Variants in C4orf54 observed in about 807,000 individuals in gnomAD.
The protein encoded by C4orf54 is uncharacterized protein C4orf54.
Under a neutral mutation model 80.1 loss-of-function variants are expected in C4orf54, and 67 were observed. The observed-to-expected ratio is 0.84, with a 90% confidence interval of 0.69 to 1.03. C4orf54 has a LOEUF of 1.03. Among genes scored for constraint, C4orf54 ranks in the 50% least tolerant of loss-of-function variants. The pLI is 0.00. For synonymous variants in C4orf54, 1,000 were observed against 917.0 expected, an observed-to-expected ratio of 1.09 and a Z score of -1.64; for missense variants, 2,434 against 2,253.5, an observed-to-expected ratio of 1.08 and a Z score of -1.62.
Position 99,652,691 on chromosome 4 carries a change from A to G in C4orf54, c.1958T>C (p.Leu653Pro), listed in dbSNP as rs1203697983. The change falls in exon 2 of 3, where the codon CTC (leucine) becomes CCC (proline). Residue 653 changes from leucine to proline, a missense_variant. Physicochemically the swap from Leu to Pro is moderately conservative, Grantham distance 98 (BLOSUM62 -3). Transcript: ENST00000511828. ...NISSRESSTT[L>P]SEVGFGRWST... ...CCAGCGCCCAAAGCCCACTTCGGAG[A>G]GCGTGGTGGAGGACTCCCGGGAGCT... is the stretch of plus-strand genomic sequence containing the variant. 6.5e-7 allele frequency: 1 copy of G among 1,535,872 alleles called. No individual in the cohort carries two copies. Among genetic ancestry groups the G allele is most frequent in the Non-Finnish European group, 8.7e-7 (1 of 1,146,878 alleles).
chr4:99,649,948 G>A lies in C4orf54; in HGVS notation c.4701C>T (p.Phe1567=), dbSNP rs1450423514. 6.5e-7 allele frequency: 1 copy of A among 1,533,314 alleles called. No homozygotes were observed. The highest frequency in any genetic ancestry group is 2.4e-5 in the East Asian group (1 of 40,832). The allele number at this position is 1,533,314 out of a possible 1,614,324, so 95.0% of individuals were successfully genotyped here. ...TTIYHQPPLP[F]TLQGAQPQVL... ...CCTGAGGCTGGGCCCCCTGTAGGGT[G>A]AAGGGCAGCGGCGGCTGGTGGTAGA... Residue 1567 remains phenylalanine, a synonymous_variant, in exon 2 of 3, where the codon TTC becomes TTT. Transcript: ENST00000511828.
chr4:99,650,596 ACT>A lies in C4orf54; in HGVS notation c.4051_4052del (p.Ser1351CysfsTer9). 1 of 1,535,616 alleles carries A rather than the reference ACT, an allele frequency of 6.5e-7. No individual in the cohort carries two copies. On this transcript the variant is annotated frameshift_variant, in exon 2 of 3. Coordinates refer to ENST00000511828, the MANE Select transcript of C4orf54 (RefSeq NM_001354435.2). LOFTEE classifies it high-confidence loss of function. ...QRRNSNPSAE[S>X]VSARAAAFEN... is the part of the protein sequence containing the mutation. ...CAAAGGCCGCTGCCCTGGCAGACAC[ACT>A]CTCAGCGCTGGGGTTGGAGTTTCTC...
chr4:99,650,072 C>T lies in C4orf54; in HGVS notation c.4577G>A (p.Gly1526Glu), dbSNP rs1326171775. The T allele has an allele frequency of 6.5e-7, 1 of 1,535,808 alleles. No homozygotes were observed. The highest frequency in any genetic ancestry group is 8.7e-7 in the Non-Finnish European group (1 of 1,146,868). The change falls in exon 2 of 3, where the codon GGA becomes GAA. Residue 1526 changes from glycine (G) to glutamate (E), a missense_variant. Transcript: ENST00000511828. ...GGTACGCCAAGCTGGTCGGCTGGTT[C>T]CACTAACCTGAGAGCCTTTGGAGCT... ...PSSSKGSQVSGTSRPAWRTKP... is the reference protein window; with the variant it reads ...PSSSKGSQVSETSRPAWRTKP...
intron 2 of C4orf54, among the ~76,000 whole-genome samples, chr4:99,643,610 G>A (rs1726640088): frequency 6.6e-6 from 1 of 152,014 alleles, no homozygotes; most frequent in South Asian, 2.1e-4. Flanking sequence ...GGCATATAAT[G>A]TTCTAAGGAC....
intron 2 of C4orf54, among the ~76,000 whole-genome samples, chr4:99,643,361 T>G (rs902623235): frequency 7.2e-5 from 11 of 152,172 alleles, no homozygotes; most frequent in Admixed American, 2.6e-4. Context: ...CTTAGACTAG[T>G]AAGTAACAGT....
intron 2 of C4orf54, among the ~76,000 whole-genome samples, chr4:99,644,438 C>T (rs973177509): frequency 2.6e-5 from 4 of 152,058 alleles, no homozygotes; most frequent in African/African-American, 9.7e-5. Context: ...CAAACAAATA[C>T]ATTAAGAAGA....
Position 99,652,371 on chromosome 4 carries a change from T to C in C4orf54, c.2278A>G (p.Ser760Gly), listed in dbSNP as rs1158085600. 1 of 1,535,914 alleles carries C rather than the reference T, an allele frequency of 6.5e-7. No homozygotes were observed. Among genetic ancestry groups the C allele is most frequent in the Non-Finnish European group, 8.7e-7 (1 of 1,146,846 alleles). ...GGCCCAGGGGCCGAGCTGGCTTTGC[T>C]CTCACTGCGTACATTCAGGGGCTCC... is the stretch of plus-strand genomic sequence containing the variant. ...LLEPLNVRSE[S>G]KASSAPGPGR... The change falls in exon 2 of 3, where the codon AGC (serine) becomes GGC (glycine). Residue 760 changes from serine (S) to glycine (G), a missense_variant. Transcript: ENST00000511828.
chr4:99,650,614 G>T lies in C4orf54; in HGVS notation c.4035C>A (p.Ser1345=). The T allele has an allele frequency of 6.5e-7, 1 of 1,536,048 alleles. No homozygotes were observed. Among genetic ancestry groups the T allele is most frequent in the Non-Finnish European group, 8.7e-7 (1 of 1,146,880 alleles). Residue 1345 remains serine, a synonymous_variant, in exon 2 of 3, where the codon TCC becomes TCA. Transcript: ENST00000511828. ...APIERLQRRN[S]NPSAESVSAR... ...CAGACACACTCTCAGCGCTGGGGTT[G>T]GAGTTTCTCCGCTGCAGACGTTCTA...
In C4orf54 at chr4:99,650,112, T is replaced by A. The variant is rs932987339; in HGVS notation, c.4537A>T (p.Ser1513Cys). ...LCSLPPLSAR[S>C]QVPSSSKGSQ... Reference sequence around the variant, plus strand: ...CCTTTGGAGCTACTGGGGACCTGACTGCGGGCACTCAGCGGGGGTAAACTA... The same window carrying A: ...CCTTTGGAGCTACTGGGGACCTGACAGCGGGCACTCAGCGGGGGTAAACTA... Residue 1513 changes from serine (S) to cysteine (C), a missense_variant, in exon 2 of 3, where the codon AGT becomes TGT. Transcript: ENST00000511828. 1.3e-6 allele frequency: 2 copies of A among 1,535,382 alleles called. No individual in the cohort carries two copies. The highest frequency in any genetic ancestry group is 3.9e-5 in the Admixed American group (2 of 50,950).
chr4:99,645,599 G>A (rs553291309), intron 2 of C4orf54, among the ~76,000 whole-genome samples: 68 of 152,030 alleles, frequency 4.5e-4, no homozygotes, highest in African/African-American at 1.4e-3. Context: ...CAAAAATACA[G>A]CATCTAAGTG....
At chr4:99,645,004 T>G (rs367956081) in intron 2 of C4orf54, among the ~76,000 whole-genome samples, 83 of 149,414 alleles carry the variant, frequency 5.6e-4, no homozygotes, top group African/African-American at 2.0e-3. Context: ...AAAGGAGAAA[T>G]GGACAAGAAG....
Position 99,649,829 on chromosome 4 carries a change from T to C in C4orf54, c.4820A>G (p.Gln1607Arg). 6.5e-7 allele frequency: 1 copy of C among 1,535,134 alleles called. No individual in the cohort carries two copies. The highest frequency in any genetic ancestry group is 1.4e-5 in the African/African-American group (1 of 73,100). Residue 1607 changes from glutamine (Q) to arginine (R), a missense_variant, in exon 2 of 3, where the codon CAG becomes CGG. Physicochemically the swap from Gln to Arg is conservative, Grantham distance 43 (BLOSUM62 1). Coordinates refer to ENST00000511828, the MANE Select transcript of C4orf54 (RefSeq NM_001354435.2). ...ATCCAGGAGCATCTTACGCTGGGTC[T>C]GTTGAGGCTGTGCCTGCTGGAAGGG... ...TDPFQQAQPQ[Q>R]TQRKMLLDVT... is the part of the protein sequence containing the mutation.
intron 2 of C4orf54, among the ~76,000 whole-genome samples, chr4:99,648,042 CT>C (rs889847249): frequency 3.5e-4 from 48 of 135,948 alleles, no homozygotes; most frequent in Non-Finnish European, 6.0e-4. Flanking sequence ...CTTTCCATCT[CT>C]TTTTTTTTCT....
Position 99,653,155 on chromosome 4 carries a change from C to T in C4orf54, c.1494G>A (p.Pro498=), listed in dbSNP as rs555671992. Reference sequence around the variant, plus strand: ...CGGCTGCTGCCCCTGAAGCTGCCTCCGGGGTCTCAGGCAAGGGCTCAGTCA... The same window carrying T: ...CGGCTGCTGCCCCTGAAGCTGCCTCTGGGGTCTCAGGCAAGGGCTCAGTCA... ...APLTEPLPET[P]EAASGAAAAA... The change falls in exon 2 of 3, where the codon CCG becomes CCA. Residue 498 remains proline (P), a synonymous_variant. Coordinates refer to ENST00000511828, the MANE Select transcript of C4orf54 (RefSeq NM_001354435.2). 2.8e-3 allele frequency: 4,360 copies of T among 1,536,180 alleles called. 27 individuals are homozygous for T. The highest frequency in any genetic ancestry group is 0.011 in the Middle Eastern group (64 of 5,982).
intron 2 of C4orf54, among the ~76,000 whole-genome samples, chr4:99,648,121 C>G (rs983348208): frequency 6.6e-6 from 1 of 150,706 alleles, no homozygotes; most frequent in Non-Finnish European, 1.5e-5. Context: ...TATAATATCA[C>G]CTTTTCCCAA....
chr4:99,651,552 G>C lies in C4orf54; in HGVS notation c.3097C>G (p.Leu1033Val). The part of the protein sequence containing the change: ...RPKAPEIKIR[L>V]GSVQQPSSDF... ...GAGCTCGGCTGCTGCACACTCCCCA[G>C]CCGGATCTTGATTTCGGGAGCCTTG... Residue 1033 changes from leucine to valine, a missense_variant, in exon 2 of 3, where the codon CTG becomes GTG. Transcript: ENST00000511828. The C allele has an allele frequency of 6.5e-7, 1 of 1,536,158 alleles. No homozygotes were observed. The highest frequency in any genetic ancestry group is 8.7e-7 in the Non-Finnish European group (1 of 1,146,912).
In C4orf54 at chr4:99,652,302, A is replaced by T. The variant is rs1706815190; in HGVS notation, c.2347T>A (p.Tyr783Asn). 1.3e-6 allele frequency: 2 copies of T among 1,535,608 alleles called. No homozygotes were observed. Among genetic ancestry groups the T allele is most frequent in the African/African-American group, 1.4e-5 (1 of 72,984 alleles). Residue 783 changes from tyrosine (Y) to asparagine (N), a missense_variant, in exon 2 of 3, where the codon TAC (tyrosine) becomes AAC (asparagine). Transcript: ENST00000511828. Reference protein sequence around the residue: ...KGPGKGPGSAYTDDGSETSEG... With the variant: ...KGPGKGPGSANTDDGSETSEG... Reference sequence around the variant, plus strand: ...GAGGTCTCGGAGCCGTCGTCCGTGTATGCCGACCCGGGACCCTTGCCGGGG... The same window carrying T: ...GAGGTCTCGGAGCCGTCGTCCGTGTTTGCCGACCCGGGACCCTTGCCGGGG...
At position 99,654,206 on chromosome 4, in the gene C4orf54, G is replaced by A. The variant is rs530514955; in HGVS notation, c.443C>T (p.Ala148Val). The change falls in exon 2 of 3, where the codon GCC (alanine) becomes GTC (valine). Residue 148 changes from alanine to valine, a missense_variant. Physicochemically the swap from Ala to Val is moderately conservative, Grantham distance 64 (BLOSUM62 0). Transcript: ENST00000511828. ...TGCTTTCGAATTCAGCTCAGGAGGG[G>A]CAGCTTCCATTATGAGCCCTTGCCC... ...KPGQGLIMEA[A>V]PPELNSKARQ... is the part of the protein sequence containing the mutation. 152 of 1,536,162 alleles carry A rather than the reference G, an allele frequency of 9.9e-5. No homozygotes were observed. The African/African-American group carries it at 2.0e-3, about 20-fold the overall frequency.
chr4:99,648,827 T>C (rs888373333), intron 2 of C4orf54, among the ~76,000 whole-genome samples: 1 of 152,210 alleles, frequency 6.6e-6, no homozygotes, highest in African/African-American at 2.4e-5. Flanking sequence ...CCTCCTGGGA[T>C]GTTCAGTGCC....
Sources: allele counts gnomAD v4.1 joint callset (sites outside exome capture counted in the v4.1 genomes callset), GRCh38; gene constraint gnomAD v4.1.1; transcripts MANE v1.5; gene names NCBI Gene and HGNC (gene_info 2026-07-23, HGNC 2026-07-21).